Variants in SYN3 observed in about 807,000 individuals in gnomAD.
SYN3 encodes the protein synapsin III, also known as synapsin-3.
In SYN3, 35 loss-of-function variants were observed where a neutral mutation model predicts 65.8. That is an observed-to-expected ratio of 0.53 (90% CI 0.41 to 0.70). The LOEUF (loss-of-function observed/expected upper bound fraction) is 0.70, where lower values mean the gene tolerates loss of function less well. SYN3 is among the 30% of genes least tolerant of loss of function. The pLI is 0.00. For synonymous variants in SYN3, 270 were observed against 292.9 expected (o/e 0.92, Z 0.80); for missense variants, 680 against 749.0 (o/e 0.91, Z 1.08).
In SYN3 at chr22:32,518,332, C is replaced by G; in HGVS notation, c.1321G>C (p.Gly441Arg). 1.2e-6 allele frequency: 2 copies of G among 1,608,722 alleles called. No individual in the cohort carries two copies. The highest frequency in any genetic ancestry group is 1.7e-6 in the Non-Finnish European group (2 of 1,177,696). ...QPQPRPPPQGGPRQAQSPQPQ... is the reference protein window; with the variant it reads ...QPQPRPPPQGRPRQAQSPQPQ... ...TGAGGAGACTGAGCTTGGCGAGGGC[C>G]TCCTAAGGGGCCAGAAAAAAAAAGG... is the stretch of plus-strand genomic sequence containing the variant. The change falls in exon 13 of 14, where the codon GGC becomes CGC. Residue 441 changes from glycine (G) to arginine (R), a missense_variant and splice_region_variant. Transcript: ENST00000358763.
At chr22:32,531,342 C>G (rs1245382901) in intron 10 of SYN3, among the ~76,000 whole-genome samples, 1 of 151,772 alleles carries the variant, frequency 6.6e-6, no homozygotes, top group African/African-American at 2.4e-5. Flanking sequence ...CTTGCTGCAC[C>G]CTGCCTGTCC....
At chr22:32,648,223 C>T (rs985129568) in intron 6 of SYN3, among the ~76,000 whole-genome samples, 3 of 152,132 alleles carry the variant, frequency 2.0e-5, no homozygotes, top group Admixed American at 2.0e-4. Context: ...CAACACCTCC[C>T]CAATATTAGC....
At chr22:32,695,090 T>C (rs2060717455) in intron 6 of SYN3, among the ~76,000 whole-genome samples, 1 of 152,238 alleles carries the variant, frequency 6.6e-6, no homozygotes, top group East Asian at 1.9e-4. Flanking sequence ...ATTTCTTTAG[T>C]TCAGAAAAGT....
chr22:32,947,387 C>G (rs990185180), intron 3 of SYN3: 1 of 152,154 alleles, frequency 6.6e-6, no homozygotes, highest in South Asian at 2.1e-4. Context: ...GCTCCTGGCA[C>G]ACAGTAGGTA....
chr22:32,850,126 A>C (rs946586623), intron 6 of SYN3, among the ~76,000 whole-genome samples: 15 of 150,580 alleles, frequency 1.0e-4, no homozygotes, highest in African/African-American at 3.7e-4. Context: ...ATGTTTGCTA[A>C]GCATATTCTT....
chr22:32,702,271 A>G (rs2060819977), intron 6 of SYN3, among the ~76,000 whole-genome samples: 1 of 152,148 alleles, frequency 6.6e-6, no homozygotes, highest in South Asian at 2.1e-4. Flanking sequence ...AGGTCAGGAG[A>G]TCGAGACCAT....
At chr22:32,905,545 G>A (rs771193616) in intron 4 of SYN3, among the ~76,000 whole-genome samples, 6 of 152,258 alleles carry the variant, frequency 3.9e-5, no homozygotes, top group Non-Finnish European at 8.8e-5. Context: ...ACACTGGCTG[G>A]GTGTTTTGCT....
intron 4 of SYN3, among the ~76,000 whole-genome samples, chr22:32,904,273 A>G (rs985369565): frequency 6.6e-6 from 1 of 152,184 alleles, no homozygotes; most frequent in Non-Finnish European, 1.5e-5. Flanking sequence ...AATGCTAGTG[A>G]TACTGCAATA....
chr22:32,625,548 A>G (rs916660731), intron 6 of SYN3, among the ~76,000 whole-genome samples: 1 of 152,218 alleles, frequency 6.6e-6, no homozygotes, highest in Non-Finnish European at 1.5e-5. Flanking sequence ...GTCCAGACGG[A>G]ATAAATAGAC....
At chr22:32,972,690 C>T (rs930701946) in intron 3 of SYN3, among the ~76,000 whole-genome samples, 1 of 152,146 alleles carries the variant, frequency 6.6e-6, no homozygotes, top group Admixed American at 6.5e-5. Flanking sequence ...ATTCCTGTAG[C>T]CTCAGTGGAA....
intron 3 of SYN3, among the ~76,000 whole-genome samples, chr22:32,964,269 G>A (rs1168859321): frequency 3.7e-5 from 5 of 135,414 alleles, no homozygotes; most frequent in African/African-American, 8.3e-5. Flanking sequence ...ATCACACACC[G>A]GGGCCTGTTG....
chr22:33,031,903 A>G (rs1329906610), intron 1 of SYN3, among the ~76,000 whole-genome samples: 2 of 152,110 alleles, frequency 1.3e-5, no homozygotes, highest in African/African-American at 4.8e-5. Context: ...ATGGACCAAC[A>G]TTAATGTTGA....
intron 6 of SYN3, chr22:32,833,872 G>C (rs1393503820): frequency 2.0e-6 from 1 of 500,100 alleles, no homozygotes; most frequent in Non-Finnish European, 4.0e-6. Context: ...GTGCCTGATA[G>C]CTGATGGCAC....
chr22:32,842,158 G>A (rs1417664597), intron 6 of SYN3, among the ~76,000 whole-genome samples: 1 of 152,162 alleles, frequency 6.6e-6, no homozygotes, highest in Non-Finnish European at 1.5e-5. Context: ...GAGAAACAGG[G>A]CAGCGACTTC....
chr22:32,914,604 A>AT lies in SYN3; in HGVS notation c.461+16785dup, dbSNP rs200821807. Among the ~76,000 whole-genome samples the AT allele has an allele frequency of 6.9e-3, 1,019 of 147,552 alleles. 6 individuals are homozygous for AT. Among genetic ancestry groups the AT allele is most frequent in the East Asian group, 0.027 (135 of 5,038 alleles). On this transcript the variant is annotated intron_variant, in intron 4 of 13. Transcript: ENST00000358763. ...AGGCGCCCGCCACCATGCCCGGCTAATTTTTTTTTTTGTATTTTTAGTAGA... is the reference window on the plus strand; with the variant it reads ...AGGCGCCCGCCACCATGCCCGGCTAATTTTTTTTTTTTGTATTTTTAGTAGA...
At chr22:32,916,683 T>C (rs1417404404) in intron 4 of SYN3, among the ~76,000 whole-genome samples, 1 of 152,164 alleles carries the variant, frequency 6.6e-6, no homozygotes, top group Non-Finnish European at 1.5e-5. Context: ...CTTGAAAACA[T>C]GCAAACTCCT....
rs1046229807 is a variant in SYN3 at position 33,035,333 on chromosome 22, C to G, written c.-163+22959G>C. 5.4e-5 allele frequency among the ~76,000 whole-genome samples: 3 copies of G among 55,838 alleles called. 1 individual carries two copies. The highest frequency in any genetic ancestry group is 9.6e-5 in the African/African-American group (1 of 10,428). 36.6% of individuals were successfully genotyped at this position (55,838 alleles called of 152,430 possible). A position where few individuals can be genotyped will look rare whatever the true frequency, so the allele number is the denominator to read the frequency against. On this transcript the variant is annotated intron_variant, in intron 1 of 13. Coordinates refer to ENST00000358763, the MANE Select transcript of SYN3 (RefSeq NM_003490.4). ...AAGAAAAATTAAAAATCTCGGGACC[C>G]CCCCCCCCCCCGCCACCAAACTTCT...
intron 6 of SYN3, among the ~76,000 whole-genome samples, chr22:32,634,154 C>G (rs1023668471): frequency 6.6e-6 from 1 of 152,162 alleles, no homozygotes; most frequent in Non-Finnish European, 1.5e-5. Context: ...AGTCTCATAA[C>G]TGTTTTTCCA....
At chr22:32,632,893 C>T (rs1007233098) in intron 6 of SYN3, among the ~76,000 whole-genome samples, 9 of 152,228 alleles carry the variant, frequency 5.9e-5, no homozygotes, top group African/African-American at 2.2e-4. Flanking sequence ...CTTCTAATTC[C>T]ATTAGTTCAT....
Sources: gnomAD v4.1 joint callset for allele counts (sites outside exome capture counted in the v4.1 genomes callset) on GRCh38, gnomAD v4.1.1 for gene constraint, MANE v1.5 for transcripts, NCBI Gene and HGNC (gene_info 2026-07-23, HGNC 2026-07-21) for gene names.